Variants in COMMD10 observed in about 807,000 individuals in gnomAD.
COMMD10 encodes the protein COMM domain-containing protein 10.
Under a neutral mutation model 28.9 loss-of-function variants are expected in COMMD10, and 33 were observed. The ratio of observed to expected loss-of-function variants is 1.14; its 90% CI spans 0.87 to 1.53. The LOEUF is 1.53. Ranked by LOEUF, COMMD10 falls within the 40% of genes most tolerant of loss-of-function variation. COMMD10 has a pLI of 0.00. For synonymous variants in COMMD10, 110 were observed against 81.7 expected (o/e 1.35, Z -1.87); for missense variants, 310 against 233.4 (o/e 1.33, Z -2.14).
At chr5:116,192,731 G>A (rs1447696482) in intron 5 of COMMD10, among the ~76,000 whole-genome samples, 3 of 152,136 alleles carry the variant, frequency 2.0e-5, no homozygotes, top group African/African-American at 7.2e-5. Flanking sequence ...TACAAGCTTG[G>A]AAAACATATT....
In COMMD10 at chr5:116,116,703, A is replaced by AT. The variant is rs70978604; in HGVS notation, c.400-17339dup. ...TGTTTATCTGCAGTAAAATGCAGAG[A>AT]TTTTTTTTTTTTTTTTTTTTTTTTT... is the stretch of plus-strand genomic sequence containing the variant. On this transcript the variant is annotated intron_variant, in intron 4 of 6. Coordinates refer to ENST00000274458, the MANE Select transcript of COMMD10 (RefSeq NM_016144.4). Among the ~76,000 whole-genome samples, 828 of 121,520 alleles carry AT rather than the reference A, an allele frequency of 6.8e-3. 16 individuals are homozygous for AT. Among genetic ancestry groups the AT allele is most frequent in the Non-Finnish European group, 9.8e-3 (558 of 57,044 alleles). 79.7% of individuals were successfully genotyped at this position (121,520 alleles called of 152,430 possible).
At chr5:116,132,926 G>T (rs552581306) in intron 4 of COMMD10, among the ~76,000 whole-genome samples, 1 of 152,194 alleles carries the variant, frequency 6.6e-6, no homozygotes, top group South Asian at 2.1e-4. Flanking sequence ...AAAAGGCTTA[G>T]TGCCAGAAGG....
chr5:116,241,955 CAG>C (rs1179010335), intron 5 of COMMD10, among the ~76,000 whole-genome samples: 1 of 152,134 alleles, frequency 6.6e-6, no homozygotes, highest in Non-Finnish European at 1.5e-5. Flanking sequence ...TTTAACCTCT[CAG>C]AGGATCCCTC....
chr5:116,171,051 G>T (rs2416431), intron 5 of COMMD10, among the ~76,000 whole-genome samples: 2 of 152,200 alleles, frequency 1.3e-5, no homozygotes, highest in African/African-American at 2.4e-5. Flanking sequence ...GAAAAGACTA[G>T]CTACAGAATG....
intron 5 of COMMD10, among the ~76,000 whole-genome samples, chr5:116,243,680 C>T (rs1749870098): frequency 6.6e-6 from 1 of 152,068 alleles, no homozygotes; most frequent in Non-Finnish European, 1.5e-5. Context: ...ATGATTCTAT[C>T]TCAAGTCAAA....
At chr5:116,086,214 TG>T (rs992894200) in intron 1 of COMMD10, among the ~76,000 whole-genome samples, 1 of 152,222 alleles carries the variant, frequency 6.6e-6, no homozygotes, top group African/African-American at 2.4e-5. Flanking sequence ...ATAGCTGAAG[TG>T]GGAATCAGCT....
intron 5 of COMMD10, among the ~76,000 whole-genome samples, chr5:116,154,596 A>G (rs73253279): frequency 1.3e-5 from 2 of 152,132 alleles, no homozygotes; most frequent in African/African-American, 4.8e-5. Context: ...AAATTCTTTC[A>G]GATAGTTTAG....
chr5:116,095,163 G>C (rs1750427226), intron 4 of COMMD10, among the ~76,000 whole-genome samples: 1 of 152,130 alleles, frequency 6.6e-6, no homozygotes, highest in African/African-American at 2.4e-5. Context: ...AAAATAGCTA[G>C]AATTAAGGAA....
At chr5:116,207,825 C>T (rs1364929823) in intron 5 of COMMD10, among the ~76,000 whole-genome samples, 1 of 152,114 alleles carries the variant, frequency 6.6e-6, no homozygotes, top group African/African-American at 2.4e-5. Context: ...TGCCAAAAAT[C>T]AGTATTTTCT....
At chr5:116,112,548 G>A (rs61672521) in intron 4 of COMMD10, among the ~76,000 whole-genome samples, 16,988 of 151,760 alleles carry the variant, frequency 0.11, 1,396 homozygotes, top group African/African-American at 0.22. Context: ...ATATAGGTGC[G>A]CGCCACCATG....
intron 5 of COMMD10, among the ~76,000 whole-genome samples, chr5:116,209,150 C>G (rs1748895311): frequency 6.6e-6 from 1 of 151,904 alleles, no homozygotes; most frequent in Non-Finnish European, 1.5e-5. Flanking sequence ...GTAGTTTGCA[C>G]ATTATATGCT....
intron 5 of COMMD10, among the ~76,000 whole-genome samples, chr5:116,254,430 C>T (rs1469812833): frequency 2.0e-5 from 3 of 151,190 alleles, no homozygotes; most frequent in Admixed American, 6.6e-5. Flanking sequence ...CTCTTGTGGG[C>T]ATTTAGTGCT....
intron 5 of COMMD10, among the ~76,000 whole-genome samples, chr5:116,244,479 TATTAA>T (rs538296075): frequency 1.7e-3 from 253 of 152,044 alleles, no homozygotes; most frequent in African/African-American, 5.7e-3. Context: ...CAAATGAATT[TATTAA>T]ATTAAAATAC....
At chr5:116,232,187 ATTG>A (rs1749545355) in intron 5 of COMMD10, among the ~76,000 whole-genome samples, 1 of 152,118 alleles carries the variant, frequency 6.6e-6, no homozygotes, top group Admixed American at 6.6e-5. Flanking sequence ...ATTTGGGTTT[ATTG>A]TTTATCCAGC....
chr5:116,134,059 C>G lies in COMMD10; in HGVS notation c.400-9C>G, dbSNP rs749315006. On this transcript the variant is annotated splice_polypyrimidine_tract_variant and intron_variant, in intron 4 of 6. Transcript: ENST00000274458. ...CCATCTGATTCCAATCTGCACCTGT[C>G]TTTTATAGCTAGAGACCGTTGGATG... 2 of 1,513,378 alleles carry G rather than the reference C, an allele frequency of 1.3e-6. No homozygotes were observed. The highest frequency in any genetic ancestry group is 1.1e-5 in the South Asian group (1 of 89,138). 93.7% of individuals were successfully genotyped at this position (1,513,378 alleles called of 1,614,324 possible). A position where few individuals can be genotyped will look rare whatever the true frequency, so the allele number is the denominator to read the frequency against.
At chr5:116,124,798 G>T (rs1353534781) in intron 4 of COMMD10, among the ~76,000 whole-genome samples, 4 of 152,136 alleles carry the variant, frequency 2.6e-5, no homozygotes, top group Non-Finnish European at 5.9e-5. Context: ...TCTTCTTGTT[G>T]AATTGATCCC....
At chr5:116,109,375 G>T (rs1190844542) in intron 4 of COMMD10, among the ~76,000 whole-genome samples, 1 of 152,114 alleles carries the variant, frequency 6.6e-6, no homozygotes, top group African/African-American at 2.4e-5. Flanking sequence ...CCACTCCTGG[G>T]TGATCCCCAA....
intron 5 of COMMD10, among the ~76,000 whole-genome samples, chr5:116,269,663 T>C (rs1443202272): frequency 1.3e-5 from 2 of 151,922 alleles, no homozygotes; most frequent in Admixed American, 6.6e-5. Context: ...TCAAATATTT[T>C]AGCCTCTTCT....
intron 5 of COMMD10, among the ~76,000 whole-genome samples, chr5:116,231,429 G>A (rs919934072): frequency 6.6e-6 from 1 of 152,084 alleles, no homozygotes; most frequent in Non-Finnish European, 1.5e-5. Context: ...GAGGTAAGGG[G>A]TCAGTAAGAG....
Sources: gnomAD v4.1 joint callset for allele counts (sites outside exome capture counted in the v4.1 genomes callset) on GRCh38, gnomAD v4.1.1 for gene constraint, MANE v1.5 for transcripts, NCBI Gene and HGNC (gene_info 2026-07-23, HGNC 2026-07-21) for gene names.